Variants in ADCYAP1R1 observed in about 807,000 individuals in gnomAD.
The protein encoded by ADCYAP1R1 is pituitary adenylate cyclase-activating polypeptide type I receptor.
Under a neutral mutation model 67.6 loss-of-function variants are expected in ADCYAP1R1, and 44 were observed. The ratio of observed to expected loss-of-function variants is 0.65; its 90% CI spans 0.51 to 0.84. The LOEUF is 0.84. Ranked by LOEUF, ADCYAP1R1 falls within the 40% of genes least tolerant of loss-of-function variation. ADCYAP1R1 has a pLI of 0.00. For synonymous variants in ADCYAP1R1, 222 were observed against 219.6 expected (o/e 1.01, Z -0.10); for missense variants, 477 against 587.9 (o/e 0.81, Z 1.95).
intron 3 of ADCYAP1R1, among the ~76,000 whole-genome samples, chr7:31,076,600 C>T (rs1387169822): frequency 6.6e-6 from 1 of 152,186 alleles, no homozygotes; most frequent in Non-Finnish European, 1.5e-5. Context: ...CTGTGGGGGG[C>T]CTCTGCAGCA....
intron 3 of ADCYAP1R1, among the ~76,000 whole-genome samples, chr7:31,075,403 A>C (rs2267725): frequency 0.022 from 3,292 of 151,792 alleles, 83 homozygotes; most frequent in South Asian, 0.062. Flanking sequence ...TTCCTTTATG[A>C]TCCCCTAAAA....
Position 31,086,440 on chromosome 7 carries a change from C to T in ADCYAP1R1, c.726C>T (p.Phe242=). ...ACTACTGTGTTGTGTCCAACTACTT[C>T]TGGCTGTTCATCGAGGGCCTGTACC... ...FFHYCVVSNY[F]WLFIEGLYLF... is the part of the protein sequence containing the mutation. The change falls in exon 10 of 16, where the codon TTC becomes TTT. Residue 242 remains phenylalanine, a synonymous_variant. Transcript: ENST00000304166. The surrounding 1 kb of genome is among the most constrained non-coding windows in gnomAD (Gnocchi z 5.0). The T allele has an allele frequency of 3.1e-6, 5 of 1,614,268 alleles. No individual in the cohort carries two copies. Among genetic ancestry groups the T allele is most frequent in the South Asian group, 2.2e-5 (2 of 91,082 alleles).
In ADCYAP1R1 at chr7:31,110,868, A is replaced by T. The variant is rs1448175420; in HGVS notation, c.*4184A>T. ...CGGCTTGTGTGTGAAAAGATTTTGG[A>T]AATTACACAGATGTGGGCTTGTTAT... On this transcript the variant is annotated 3_prime_UTR_variant, in exon 16 of 16. Transcript: ENST00000304166. The T allele has an allele frequency of 6.6e-6, 1 of 152,188 alleles. No homozygotes were observed. The highest frequency in any genetic ancestry group is 1.5e-5 in the Non-Finnish European group (1 of 68,052). 9.4% of individuals were successfully genotyped at this position (152,188 alleles called of 1,614,324 possible).
chr7:31,067,913 C>A (rs553883379), intron 3 of ADCYAP1R1, among the ~76,000 whole-genome samples: 1 of 152,348 alleles, frequency 6.6e-6, no homozygotes, highest in Admixed American at 6.5e-5. Context: ...GTTTCCAGGG[C>A]TCCCACCTTC....
intron 12 of ADCYAP1R1, 48 bp from the exon 13 acceptor site, chr7:31,092,596 C>G: frequency 6.8e-7 from 1 of 1,481,448 alleles, no homozygotes; most frequent in Middle Eastern, 1.7e-4. Flanking sequence ...ATAATAGCAT[C>G]TTTGCCCAGA....
intron 13 of ADCYAP1R1, among the ~76,000 whole-genome samples, chr7:31,094,021 A>G (rs1483003795): frequency 2.0e-5 from 3 of 152,170 alleles, no homozygotes; most frequent in Middle Eastern, 3.4e-3. Flanking sequence ...GGAACTCCCC[A>G]TGTGGAAACC....
chr7:31,056,223 G>A (rs1479284389), intron 1 of ADCYAP1R1, among the ~76,000 whole-genome samples: 2 of 152,208 alleles, frequency 1.3e-5, no homozygotes, highest in East Asian at 3.9e-4. Flanking sequence ...AAGGGCGGGT[G>A]CTGCCTGAGT....
At chr7:31,066,137 T>C (rs937456700) in intron 3 of ADCYAP1R1, among the ~76,000 whole-genome samples, 1 of 152,156 alleles carries the variant, frequency 6.6e-6, no homozygotes, top group African/African-American at 2.4e-5. Flanking sequence ...GAATATCTGG[T>C]CCAAGTCTCT....
chr7:31,076,041 T>C (rs939721792), intron 3 of ADCYAP1R1, among the ~76,000 whole-genome samples: 2 of 152,176 alleles, frequency 1.3e-5, no homozygotes, highest in African/African-American at 4.8e-5. Context: ...GTTTGAATCA[T>C]CTTTGGTTCT....
chr7:31,059,094 C>T (rs965846858), intron 1 of ADCYAP1R1, among the ~76,000 whole-genome samples: 1 of 152,054 alleles, frequency 6.6e-6, no homozygotes, highest in African/African-American at 2.4e-5. Flanking sequence ...GATTGTGACA[C>T]GGTGCTGTGG....
intron 1 of ADCYAP1R1, among the ~76,000 whole-genome samples, chr7:31,057,676 C>T (rs569816958): frequency 2.4e-4 from 37 of 152,346 alleles, no homozygotes; most frequent in African/African-American, 7.9e-4. Flanking sequence ...GTTTCCCCTC[C>T]TTCCCTGCAG....
chr7:31,064,311 T>A (rs1388761653), intron 2 of ADCYAP1R1, among the ~76,000 whole-genome samples: 1 of 152,186 alleles, frequency 6.6e-6, no homozygotes, highest in African/African-American at 2.4e-5. Flanking sequence ...CCACTTGTTT[T>A]CTCCTCTAAA....
intron 15 of ADCYAP1R1, among the ~76,000 whole-genome samples, chr7:31,105,728 C>A (rs1441037328): frequency 6.6e-6 from 1 of 152,172 alleles, no homozygotes; most frequent in Non-Finnish European, 1.5e-5. Flanking sequence ...ACAAGAGAGG[C>A]AGAAAGGGCC....
At chr7:31,063,070 G>A (rs893113642) in intron 1 of ADCYAP1R1, 124 bp from the exon 2 acceptor site, 4 of 616,774 alleles carry the variant, frequency 6.5e-6, no homozygotes, top group South Asian at 3.9e-5. Context: ...AGGCAGGGAG[G>A]TGGGGTTATC....
In ADCYAP1R1 at chr7:31,085,442, T is replaced by C. The variant is rs372140397; in HGVS notation, c.669T>C (p.Thr223=). 15 of 1,612,350 alleles carry C rather than the reference T, an allele frequency of 9.3e-6. No individual in the cohort carries two copies. The African/African-American group carries it at 1.9e-4, about 20-fold the overall frequency. ...ACAGCAACCACTGCTTCATCTCCAC[T>C]GTGAGTGAGCCAAGCAGACCCATTA... ...EQDSNHCFIS[T]VECKAVMVFF... is the part of the protein sequence containing the mutation. The change falls in exon 9 of 16, where the codon ACT becomes ACC. Residue 223 remains threonine, a splice_region_variant and synonymous_variant. Coordinates refer to ENST00000304166, the MANE Select transcript of ADCYAP1R1 (RefSeq NM_001118.5).
chr7:31,055,746 T>C (rs1435997447), intron 1 of ADCYAP1R1, among the ~76,000 whole-genome samples: 5 of 152,158 alleles, frequency 3.3e-5, no homozygotes, highest in Admixed American at 3.3e-4. Flanking sequence ...GTCAGAGAGG[T>C]TGACAAAGGG....
chr7:31,089,704 G>A (rs1464288886), intron 12 of ADCYAP1R1, among the ~76,000 whole-genome samples: 1 of 152,188 alleles, frequency 6.6e-6, no homozygotes, highest in Non-Finnish European at 1.5e-5. Flanking sequence ...AGGTACAAGA[G>A]CGCTCATTTC....
intron 3 of ADCYAP1R1, among the ~76,000 whole-genome samples, chr7:31,068,850 G>A (rs1794855043): frequency 6.6e-6 from 1 of 152,198 alleles, no homozygotes; most frequent in Admixed American, 6.5e-5. Flanking sequence ...ACTCATCAGG[G>A]GAGGCCTTAC....
chr7:31,106,510 C>T lies in ADCYAP1R1; in HGVS notation c.1233C>T (p.Ile411=). 1 of 1,609,352 alleles carries T rather than the reference C, an allele frequency of 6.2e-7. No individual in the cohort carries two copies. Among genetic ancestry groups the T allele is most frequent in the African/African-American group, 1.3e-5 (1 of 75,032 alleles). The change falls in exon 16 of 16, where the codon ATC becomes ATT. Residue 411 remains isoleucine, a synonymous_variant. Coordinates refer to ENST00000304166, the MANE Select transcript of ADCYAP1R1 (RefSeq NM_001118.5). ...GCTCCCTGCAGGTACAAGCGGAGAT[C>T]AAGCGAAAATGGCGAAGCTGGAAGG... ...CFLNGEVQAE[I]KRKWRSWKVN... is the part of the protein sequence containing the mutation.
Sources: gnomAD v4.1 joint callset for allele counts (sites outside exome capture counted in the v4.1 genomes callset) on GRCh38, gnomAD v4.1.1 for gene constraint, Gnocchi (gnomAD v3.1) non-coding constraint, MANE v1.5 for transcripts, NCBI Gene and HGNC (gene_info 2026-07-23, HGNC 2026-07-21) for gene names.